The following RBFOX1 variants were observed in gnomAD, a reference collection of about 807,000 sequenced individuals.
RBFOX1 encodes the protein RNA binding protein fox-1 homolog 1.
In RBFOX1, 8 loss-of-function variants were observed where a neutral mutation model predicts 57.7. That is an observed-to-expected ratio of 0.14 (90% confidence interval 0.08 to 0.25). RBFOX1 has a LOEUF of 0.25. RBFOX1 is among the 10% of genes least tolerant of loss of function. The pLI, the probability that RBFOX1 is intolerant of heterozygous loss-of-function variation, is 1.00. For synonymous variants in RBFOX1, 326 were observed against 222.4 expected, an observed-to-expected ratio of 1.47 and a Z score of -4.15; for missense variants, 611 against 548.5, an observed-to-expected ratio of 1.11 and a Z score of -1.14.
intron 3 of RBFOX1, among the ~76,000 whole-genome samples, chr16:6,789,185 A>G (rs1361225077): frequency 6.6e-6 from 1 of 152,108 alleles, no homozygotes; most frequent in Non-Finnish European, 1.5e-5. Context: ...AGAAACATTA[A>G]GGTTTAAAGA....
chr16:6,119,709 C>T (rs775079013), intron 1 of RBFOX1, among the ~76,000 whole-genome samples: 2 of 152,118 alleles, frequency 1.3e-5, no homozygotes, highest in Admixed American at 6.5e-5. Flanking sequence ...ACAGGGTATC[C>T]ACAGGCTGGT....
intron 4 of RBFOX1, among the ~76,000 whole-genome samples, chr16:7,193,861 G>C (rs1392565839): frequency 6.6e-6 from 1 of 151,914 alleles, no homozygotes; most frequent in Non-Finnish European, 1.5e-5. Context: ...AAGAATGAAA[G>C]AATGACAGAC....
chr16:7,123,482 A>G (rs533299326), intron 4 of RBFOX1, among the ~76,000 whole-genome samples: 114 of 152,214 alleles, frequency 7.5e-4, no homozygotes, highest in Non-Finnish European at 1.2e-3. Flanking sequence ...CTCCTGCCTT[A>G]GCTTCCTGAG....
At chr16:5,689,195 C>T (rs1227002712) in intron 3 of RBFOX1, among the ~76,000 whole-genome samples, 1 of 152,150 alleles carries the variant, frequency 6.6e-6, no homozygotes, top group Non-Finnish European at 1.5e-5. Context: ...ACAGGTGGTG[C>T]TCAGTATGGC....
At chr16:6,541,874 A>G (rs2096825101) in intron 2 of RBFOX1, among the ~76,000 whole-genome samples, 1 of 152,162 alleles carries the variant, frequency 6.6e-6, no homozygotes, top group Admixed American at 6.5e-5. Context: ...AGATTAACCC[A>G]AAGAGTTTAC....
At chr16:6,894,021 G>A (rs1202901329) in intron 3 of RBFOX1, among the ~76,000 whole-genome samples, 1 of 152,094 alleles carries the variant, frequency 6.6e-6, no homozygotes, top group Non-Finnish European at 1.5e-5. Flanking sequence ...ATATCCCAAA[G>A]ACAGCTCTTT....
intron 3 of RBFOX1, among the ~76,000 whole-genome samples, chr16:5,646,195 T>G (rs1198508693): frequency 2.7e-5 from 4 of 150,712 alleles, no homozygotes; most frequent in African/African-American, 9.7e-5. Context: ...TTTTTTTTTT[T>G]TTTGTATTTT....
chr16:6,988,747 G>T (rs61509692), intron 3 of RBFOX1, among the ~76,000 whole-genome samples: 9,353 of 100,668 alleles, frequency 0.093, 711 homozygotes, highest in African/African-American at 0.2. Context: ...TTTTTTGTTT[G>T]TTTGTTTTTT....
intron 3 of RBFOX1, among the ~76,000 whole-genome samples, chr16:6,671,685 G>A (rs2098766027): frequency 6.6e-6 from 1 of 152,128 alleles, no homozygotes; most frequent in Non-Finnish European, 1.5e-5. Context: ...TCATAGCTTA[G>A]CTCCCACTTA....
At chr16:6,802,404 C>T (rs1046715047) in intron 3 of RBFOX1, among the ~76,000 whole-genome samples, 2 of 152,090 alleles carry the variant, frequency 1.3e-5, no homozygotes, top group African/African-American at 2.4e-5. Context: ...TGGCCTGGCG[C>T]AGTGGCTCAT....
chr16:5,303,982 T>C (rs2063868924), intron 1 of RBFOX1, among the ~76,000 whole-genome samples: 1 of 152,198 alleles, frequency 6.6e-6, no homozygotes. Flanking sequence ...AACTTTTCTC[T>C]ATGTTTTTTT....
At chr16:6,943,168 C>G (rs1248444604) in intron 3 of RBFOX1, among the ~76,000 whole-genome samples, 1 of 152,208 alleles carries the variant, frequency 6.6e-6, no homozygotes, top group Non-Finnish European at 1.5e-5. Flanking sequence ...CAGCTCTCCA[C>G]TCTCCACAGA....
intron 4 of RBFOX1, among the ~76,000 whole-genome samples, chr16:7,098,028 A>T (rs911822799): frequency 4.3e-4 from 66 of 152,238 alleles, no homozygotes; most frequent in African/African-American, 1.5e-3. Flanking sequence ...GAGCTCAGTG[A>T]TGGAGTATTC....
chr16:6,899,091 A>ATG (rs36144934), intron 3 of RBFOX1, among the ~76,000 whole-genome samples: 79,035 of 151,124 alleles, frequency 0.52, 22,384 homozygotes, highest in African/African-American at 0.76. Context: ...CACGTGTATA[A>ATG]TGTGTGTACA....
intron 3 of RBFOX1, among the ~76,000 whole-genome samples, chr16:6,933,944 A>C (rs1276580342): frequency 6.6e-6 from 1 of 152,236 alleles, no homozygotes; most frequent in Non-Finnish European, 1.5e-5. Flanking sequence ...ACAACATGGT[A>C]TTGAAAAATC....
At chr16:5,850,917 C>T (rs760927377) in intron 3 of RBFOX1, among the ~76,000 whole-genome samples, 5 of 152,192 alleles carry the variant, frequency 3.3e-5, no homozygotes, top group Admixed American at 6.5e-5. Context: ...ACAGCAGGTG[C>T]GCAGCCTGGC....
chr16:6,822,892 C>G (rs1456438347), intron 3 of RBFOX1, among the ~76,000 whole-genome samples: 1 of 152,180 alleles, frequency 6.6e-6, no homozygotes, highest in East Asian at 1.9e-4. Flanking sequence ...AAAGGGCATG[C>G]ATTAATATTA....
intron 4 of RBFOX1, among the ~76,000 whole-genome samples, chr16:7,454,426 A>G (rs945254295): frequency 6.6e-6 from 1 of 151,992 alleles, no homozygotes; most frequent in Non-Finnish European, 1.5e-5. Flanking sequence ...ATCAAGTCAA[A>G]CTCGTGTTCT....
intron 3 of RBFOX1, among the ~76,000 whole-genome samples, chr16:5,673,331 G>A (rs138128646): frequency 6.6e-6 from 1 of 152,214 alleles, no homozygotes; most frequent in East Asian, 1.9e-4. Context: ...CAGGTTCCAA[G>A]GTCGACAGGG....
Sources: allele counts gnomAD v4.1 joint callset (sites outside exome capture counted in the v4.1 genomes callset), GRCh38; gene constraint gnomAD v4.1.1; transcripts MANE v1.5; gene names NCBI Gene and HGNC (gene_info 2026-07-23, HGNC 2026-07-21).